SYNE2: variants seen among roughly 807,000 people sequenced by gnomAD.
SYNE2 encodes the protein spectrin repeat containing nuclear envelope protein 2.
SYNE2 carries 431 observed loss-of-function variants against 856.3 expected under a neutral mutation model. That is an observed-to-expected ratio of 0.50 (90% CI 0.47 to 0.55). SYNE2 has a LOEUF of 0.55. SYNE2 is among the 20% of genes least tolerant of loss of function. The probability of loss-of-function intolerance (pLI) is 0.00; values close to 1 mark genes in which losing one functional copy is unlikely to be tolerated. For synonymous variants in SYNE2, 2,923 were observed against 2,872.3 expected (o/e 1.02, Z -0.56); for missense variants, 8,129 against 8,023.2 (o/e 1.01, Z -0.50).
intron 51 of SYNE2, among the ~76,000 whole-genome samples, chr14:64,067,854 A>G (rs2097369453): frequency 6.6e-6 from 1 of 152,190 alleles, no homozygotes; most frequent in Non-Finnish European, 1.5e-5. Context: ...CACATTGTCA[A>G]AGATAATTGG....
At chr14:64,135,877 C>T (rs1350959056) in intron 78 of SYNE2, among the ~76,000 whole-genome samples, 9 of 152,112 alleles carry the variant, frequency 5.9e-5, no homozygotes, top group South Asian at 4.1e-4. Context: ...CTTGATCAGC[C>T]GTCGTCTGTG....
intron 99 of SYNE2, among the ~76,000 whole-genome samples, chr14:64,193,548 CA>C (rs902187688): frequency 6.4e-4 from 89 of 139,900 alleles, no homozygotes; most frequent in Non-Finnish European, 5.8e-4. Flanking sequence ...AACTCCGTCT[CA>C]AAAAAAAAAA....
At chr14:63,949,251 TG>T (rs1412003191) in intron 6 of SYNE2, among the ~76,000 whole-genome samples, 1 of 152,190 alleles carries the variant, frequency 6.6e-6, no homozygotes, top group Non-Finnish European at 1.5e-5. Flanking sequence ...TCACCATCAC[TG>T]GGTATTGCCT....
intron 1 of SYNE2, among the ~76,000 whole-genome samples, chr14:63,797,322 C>G: frequency 6.8e-6 from 1 of 147,268 alleles, no homozygotes; most frequent in South Asian, 2.3e-4. Flanking sequence ...ACCCAGGAGG[C>G]GGAGGTTGCA....
At chr14:64,129,423 G>C (rs1052083568) in intron 74 of SYNE2, among the ~76,000 whole-genome samples, 1 of 152,206 alleles carries the variant, frequency 6.6e-6, no homozygotes, top group Non-Finnish European at 1.5e-5. Context: ...AACAAAAGCA[G>C]GGTACACCCT....
At chr14:64,076,239 A>T in intron 54 of SYNE2, 139 bp downstream of exon 54, 1 of 854,870 alleles carries the variant, frequency 1.2e-6, no homozygotes, top group Non-Finnish European at 1.8e-6. Context: ...CATCGTGTCT[A>T]TTGAATGCTA....
chr14:64,107,686 C>A, intron 65 of SYNE2, 79 bp downstream of exon 65: 2 of 1,105,152 alleles, frequency 1.8e-6, no homozygotes, highest in African/African-American at 1.5e-5. Flanking sequence ...CTGTGTCCTG[C>A]AATACCTTGT....
chr14:64,130,737 T>C (rs566500119), intron 76 of SYNE2, among the ~76,000 whole-genome samples: 1 of 151,958 alleles, frequency 6.6e-6, no homozygotes, highest in Non-Finnish European at 1.5e-5. Context: ...ATACAAAAAT[T>C]AGCTGGGTAT....
intron 97 of SYNE2, among the ~76,000 whole-genome samples, chr14:64,187,649 G>A (rs1057115826): frequency 1.3e-5 from 2 of 152,160 alleles, no homozygotes; most frequent in Non-Finnish European, 2.9e-5. Context: ...CCTCCGAAAA[G>A]AGCAGAGGTT....
intron 58 of SYNE2, among the ~76,000 whole-genome samples, chr14:64,089,029 A>G (rs904168017): frequency 1.3e-5 from 2 of 152,168 alleles, no homozygotes; most frequent in African/African-American, 4.8e-5. Context: ...AGATATCACT[A>G]TAAACAGCTA....
intron 11 of SYNE2, among the ~76,000 whole-genome samples, chr14:63,976,086 C>T (rs1452497508): frequency 4.6e-5 from 7 of 151,974 alleles, no homozygotes; most frequent in Non-Finnish European, 7.4e-5. Flanking sequence ...GTGGTGCTTT[C>T]GTGAAGGACA....
At chr14:64,154,910 T>A (rs377473112) in intron 85 of SYNE2, among the ~76,000 whole-genome samples, 12 of 150,786 alleles carry the variant, frequency 8.0e-5, no homozygotes, top group Middle Eastern at 6.9e-3. Context: ...ATCAAGGAAA[T>A]GAAAATCAAC....
Position 64,225,520 on chromosome 14 carries a change from CACATAGAGGGCATAGCTGGCCACAGTGCT to C in SYNE2, c.20722_*26del. ...TGAGGTACACCAATGGGCCACCCCCCACATAGAGGGCATAGCTGGCCACAGTGCTACACCACCTGCCTGATTGCCAAGGG... is the reference window on the plus strand; with the variant it reads ...TGAGGTACACCAATGGGCCACCCCCCACACCACCTGCCTGATTGCCAAGGG... On this transcript the variant is annotated stop_lost and 3_prime_UTR_variant, in exon 116 of 116. Coordinates refer to ENST00000555002, the MANE Select transcript of SYNE2 (RefSeq NM_182914.3). 2 of 1,613,984 alleles carry C rather than the reference CACATAGAGGGCATAGCTGGCCACAGTGCT, an allele frequency of 1.2e-6. No individual in the cohort carries two copies. Among genetic ancestry groups the C allele is most frequent in the Non-Finnish European group, 1.7e-6 (2 of 1,179,948 alleles).
Position 63,986,443 on chromosome 14 carries a change from T to C in SYNE2, c.2152-13T>C. ...TGCTGACATTTTCTCAGTGGTACTT[T>C]TGAATGTTGTAGGCTGGAGAGAAAC... On this transcript the variant is annotated splice_polypyrimidine_tract_variant and intron_variant, in intron 18 of 115. Coordinates refer to ENST00000555002, the MANE Select transcript of SYNE2 (RefSeq NM_182914.3). The C allele has an allele frequency of 1.2e-6, 2 of 1,613,936 alleles. No individual in the cohort carries two copies. Among genetic ancestry groups the C allele is most frequent in the Non-Finnish European group, 1.7e-6 (2 of 1,179,884 alleles).
At chr14:63,934,759 A>G (rs924399409) in intron 2 of SYNE2, among the ~76,000 whole-genome samples, 1 of 152,072 alleles carries the variant, frequency 6.6e-6, no homozygotes, top group Admixed American at 6.5e-5. Context: ...ATTGCTGATT[A>G]GTTTCTTTTT....
chr14:64,087,675 C>G lies in SYNE2; in HGVS notation c.11489C>G (p.Ala3830Gly). 1 of 1,613,940 alleles carries G rather than the reference C, an allele frequency of 6.2e-7. No individual in the cohort carries two copies. The highest frequency in any genetic ancestry group is 8.5e-7 in the Non-Finnish European group (1 of 1,179,922). The change falls in exon 58 of 116, where the codon GCT becomes GGT. Residue 3830 changes from alanine to glycine, a missense_variant. Ala to Gly is a moderately conservative substitution (Grantham distance 60). Coordinates refer to ENST00000555002, the MANE Select transcript of SYNE2 (RefSeq NM_182914.3). ...LSHHASTVQM[A>G]LEDSEQKHNL... ...TCCCATTCTGTGTTTATCTAGATGG[C>G]TTTGGAAGATTCAGAACAGAAGCAC...
chr14:64,185,906 T>G (rs1453825755), intron 96 of SYNE2, among the ~76,000 whole-genome samples: 4 of 152,258 alleles, frequency 2.6e-5, no homozygotes, highest in Non-Finnish European at 5.9e-5. Context: ...GTTTATTTTT[T>G]CTTCCGTTAT....
chr14:64,106,466 G>A (rs1328148812), intron 64 of SYNE2, among the ~76,000 whole-genome samples: 4 of 152,140 alleles, frequency 2.6e-5, no homozygotes, highest in African/African-American at 9.7e-5. Flanking sequence ...TGGCTAAAAC[G>A]GTGAAACCCC....
rs1187529420 is a variant in SYNE2, at chr14:64,049,521, A to T, written c.7378-90A>T. 4 of 1,325,876 alleles carry T rather than the reference A, an allele frequency of 3.0e-6. No individual in the cohort carries two copies. In the African/African-American group the frequency reaches 5.8e-5, roughly 19 times the overall value. 82.1% of individuals were successfully genotyped at this position (1,325,876 alleles called of 1,614,324 possible). On this transcript the variant is annotated intron_variant, in intron 46 of 115. Coordinates refer to ENST00000555002, the MANE Select transcript of SYNE2 (RefSeq NM_182914.3). ...ATGAGTTACCCTCTTCCTGAGATAG[A>T]GTGTGTTATCTCAAAGAGGAAAGAA... is the stretch of plus-strand genomic sequence containing the variant.
Sources: allele counts gnomAD v4.1 joint callset (sites outside exome capture counted in the v4.1 genomes callset), GRCh38; gene constraint gnomAD v4.1.1; transcripts MANE v1.5; gene names NCBI Gene and HGNC (gene_info 2026-07-23, HGNC 2026-07-21).